Variants in TRPV5 observed in about 807,000 individuals in gnomAD.
The protein encoded by TRPV5 is transient receptor potential cation channel subfamily V member 5.
Under a neutral mutation model 74.1 loss-of-function variants are expected in TRPV5, and 66 were observed. That is an observed-to-expected ratio of 0.89 (90% CI 0.73 to 1.09). TRPV5 has a LOEUF of 1.09. TRPV5 is among the 50% of genes least tolerant of loss of function. The probability of loss-of-function intolerance (pLI) is 0.00; values close to 1 mark genes in which losing one functional copy is unlikely to be tolerated. For missense variants in TRPV5, 936 were observed against 930.4 expected, an observed-to-expected ratio of 1.01 and a Z score of -0.08; for synonymous variants, 399 against 360.7, an observed-to-expected ratio of 1.11 and a Z score of -1.20.
chr7:142,920,173 A>AAG lies in TRPV5; in HGVS notation c.1123-4607_1123-4606dup, dbSNP rs372163046. Among the ~76,000 whole-genome samples the AAG allele has an allele frequency of 1.2e-4, 18 of 151,752 alleles. No homozygotes were observed. The East Asian group carries it at 2.1e-3, about 18-fold the overall frequency. The stretch of plus-strand genomic sequence containing the variant: ...CCAAGTTGAGAACCGCTGGGCCATA[A>AAG]AGAGAGAGAGAGAGATCTGGTTCCC... On this transcript the variant is annotated intron_variant, in intron 8 of 14. Transcript: ENST00000265310.
rs996312691 is a variant in TRPV5, at chr7:142,928,035, A to T, written c.909+53T>A. 43 of 1,610,388 alleles carry T rather than the reference A, an allele frequency of 2.7e-5. 1 individual carries two copies. In the East Asian group the frequency reaches 5.6e-4, roughly 21 times the overall value. On this transcript the variant is annotated intron_variant, in intron 7 of 14. Coordinates refer to ENST00000265310, the MANE Select transcript of TRPV5 (RefSeq NM_019841.7). ...ATCTTAGTAAGTGGACAGACTCTGC[A>T]CAAACACTAAATTCCCTCACATGAC...
At chr7:142,933,089 C>T (rs1411507044) in intron 1 of TRPV5, among the ~76,000 whole-genome samples, 1 of 152,200 alleles carries the variant, frequency 6.6e-6, no homozygotes, top group Non-Finnish European at 1.5e-5. Context: ...GGCTGTCATT[C>T]TGCCTCTGTC....
In TRPV5 at chr7:142,908,196, G is replaced by T; in HGVS notation, c.*318C>A. The T allele has an allele frequency of 2.5e-6, 1 of 402,908 alleles. No individual in the cohort carries two copies. Among genetic ancestry groups the T allele is most frequent in the Non-Finnish European group, 4.5e-6 (1 of 222,780 alleles). 25.0% of individuals were successfully genotyped at this position (402,908 alleles called of 1,614,324 possible). On this transcript the variant is annotated 3_prime_UTR_variant, in exon 15 of 15. Transcript: ENST00000265310. Reference sequence around the variant, plus strand: ...AGCCTCACAGCTTACTACTTTCTAGGGGCTGCGTGGGGCAGAAGAGAAATG... The same window carrying T: ...AGCCTCACAGCTTACTACTTTCTAGTGGCTGCGTGGGGCAGAAGAGAAATG...
rs150017544 is a variant in TRPV5, at chr7:142,913,201, T to C, written c.1520-451A>G. Among the ~76,000 whole-genome samples the C allele has an allele frequency of 2.8e-3, 429 of 152,312 alleles. 1 individual carries two copies. Among genetic ancestry groups the C allele is most frequent in the African/African-American group, 9.8e-3 (407 of 41,566 alleles). ...GCTAAAAGAAGAGCCCCTTTTTTAA[T>C]CTTGATGGCCTCTAGATAACCCTCC... is the stretch of plus-strand genomic sequence containing the variant. On this transcript the variant is annotated intron_variant, in intron 12 of 14. Transcript: ENST00000265310.
rs373418907 is a variant in TRPV5 at position 142,912,549 on chromosome 7, A to G, written c.1721T>C (p.Phe574Ser). The G allele has an allele frequency of 6.2e-7, 1 of 1,614,064 alleles. No homozygotes were observed. Among genetic ancestry groups the G allele is most frequent in the African/African-American group, 1.3e-5 (1 of 74,944 alleles). The change falls in exon 13 of 15, where the codon TTC becomes TCC. Residue 574 changes from phenylalanine (F) to serine (S), a missense_variant. Transcript: ENST00000265310. The part of the protein sequence containing the change: ...IIATLLMLNL[F>S]IAMMGDTHWR... ...GTGGGTGTCGCCCATCATGGCGATG[A>G]ACAAGTTGAGCATGAGCAGTGTGGC...
chr7:142,932,349 G>T (rs1281816199), intron 1 of TRPV5, among the ~76,000 whole-genome samples: 1 of 152,196 alleles, frequency 6.6e-6, no homozygotes, highest in Non-Finnish European at 1.5e-5. Flanking sequence ...TTCCACTGGA[G>T]GTATTGGGTG....
intron 8 of TRPV5, among the ~76,000 whole-genome samples, chr7:142,921,649 C>A (rs1795887159): frequency 6.6e-6 from 1 of 152,252 alleles, no homozygotes; most frequent in African/African-American, 2.4e-5. Context: ...CCTACCACCC[C>A]CCACATCTGT....
At chr7:142,921,527 G>A (rs1446929084) in intron 8 of TRPV5, among the ~76,000 whole-genome samples, 5 of 151,910 alleles carry the variant, frequency 3.3e-5, no homozygotes, top group East Asian at 3.9e-4. Flanking sequence ...GTGATCCGCC[G>A]CCTCAGCCTC....
chr7:142,924,267 TATATATATATATACATATAC>T (rs1795934560), intron 8 of TRPV5, among the ~76,000 whole-genome samples: 25 of 90,996 alleles, frequency 2.7e-4, no homozygotes, highest in African/African-American at 4.0e-4. Flanking sequence ...TATATATACA[TATATATATATATACATATAC>T]ATGTATATAT....
chr7:142,927,577 G>A (rs1323655602), intron 7 of TRPV5, among the ~76,000 whole-genome samples: 3 of 152,130 alleles, frequency 2.0e-5, no homozygotes, highest in East Asian at 3.9e-4. Context: ...ATCCTACATG[G>A]CCGGAGCAGG....
At chr7:142,916,985 T>A (rs1362034790) in intron 8 of TRPV5, among the ~76,000 whole-genome samples, 1 of 151,860 alleles carries the variant, frequency 6.6e-6, no homozygotes, top group Non-Finnish European at 1.5e-5. Flanking sequence ...TATTTTATCA[T>A]ATAATAGCAA....
At chr7:142,908,859 A>G (rs561924906) in intron 14 of TRPV5, 51 bp from the exon 15 acceptor site, 13 of 1,566,780 alleles carry the variant, frequency 8.3e-6, no homozygotes, top group Non-Finnish European at 1.1e-5. Flanking sequence ...AGACATGGGC[A>G]GGGGAGAAGT....
chr7:142,933,236 C>T (rs1340459693), intron 1 of TRPV5, 96 bp downstream of exon 1: 4 of 1,482,252 alleles, frequency 2.7e-6, no homozygotes, highest in Admixed American at 2.1e-5. Context: ...ACTGACAATA[C>T]ACTTCTAGGG....
chr7:142,922,941 G>T (rs180893303), intron 8 of TRPV5, among the ~76,000 whole-genome samples: 1 of 152,160 alleles, frequency 6.6e-6, no homozygotes, highest in Admixed American at 6.5e-5. Flanking sequence ...ACTAACTCCA[G>T]CTTTACAAAC....
chr7:142,912,788 T>A (rs746186540), intron 12 of TRPV5, 38 bp from the exon 13 acceptor site: 14 of 1,598,684 alleles, frequency 8.8e-6, no homozygotes, highest in Non-Finnish European at 1.1e-5. Flanking sequence ...GATGGGATAA[T>A]GGAGTTATCA....
At chr7:142,929,656 C>G (rs1351316633) in intron 3 of TRPV5, 91 bp from the exon 4 acceptor site, 1 of 1,554,270 alleles carries the variant, frequency 6.4e-7, no homozygotes, top group Non-Finnish European at 8.7e-7. Context: ...CAGGAGGTTC[C>G]TGATAGATCT....
chr7:142,914,558 T>C, intron 12 of TRPV5, 82 bp downstream of exon 12: 1 of 1,187,728 alleles, frequency 8.4e-7, no homozygotes, highest in South Asian at 1.4e-5. Context: ...GAAGTGCAAA[T>C]GAGAACTGAG....
chr7:142,924,327 TATATATATACATATATATATATATAG>T lies in TRPV5; in HGVS notation c.1122+1176_1122+1201del, dbSNP rs2116596682. Among the ~76,000 whole-genome samples the T allele has an allele frequency of 5.9e-4, 5 of 8,428 alleles. 1 individual carries two copies. In the East Asian group the frequency reaches 0.034, roughly 57 times the overall value. 5.5% of individuals were successfully genotyped at this position (8,428 alleles called of 152,430 possible). A position where few individuals can be genotyped will look rare whatever the true frequency, so the allele number is the denominator to read the frequency against. On this transcript the variant is annotated intron_variant, in intron 8 of 14. Coordinates refer to ENST00000265310, the MANE Select transcript of TRPV5 (RefSeq NM_019841.7). ...ATATATATATACACACATATACATG[TATATATATACATATATATATATATAG>T]ACATATACATGTATATATATACATA... is the stretch of plus-strand genomic sequence containing the variant.
Position 142,927,871 on chromosome 7 carries a change from A to G in TRPV5, c.909+217T>C, listed in dbSNP as rs567006616. 5.3e-5 allele frequency among the ~76,000 whole-genome samples: 8 copies of G among 152,322 alleles called. No individual in the cohort carries two copies. In the South Asian group the frequency reaches 8.3e-4, roughly 16 times the overall value. ...TCTCATCTGAAATGATAGAAGGCGA[A>G]AGGTAGGCAGAAGGGACTGGAGCTA... On this transcript the variant is annotated intron_variant, in intron 7 of 14. Transcript: ENST00000265310.
Sources: allele counts gnomAD v4.1 joint callset (sites outside exome capture counted in the v4.1 genomes callset), GRCh38; gene constraint gnomAD v4.1.1; transcripts MANE v1.5; gene names NCBI Gene and HGNC (gene_info 2026-07-23, HGNC 2026-07-21).